DISP1: variants seen among roughly 807,000 people sequenced by gnomAD.
DISP1 encodes dispatched RND transporter family member 1.
DISP1 carries 30 observed loss-of-function variants against 37.3 expected under a neutral mutation model. The observed-to-expected ratio is 0.80, with a 90% CI of 0.60 to 1.09. The LOEUF (loss-of-function observed/expected upper bound fraction) is 1.09, where lower values mean the gene tolerates loss of function less well. DISP1 is among the 50% of genes least tolerant of loss of function. DISP1 has a pLI of 0.00. For missense variants in DISP1, 1,598 were observed against 1,879.5 expected (o/e 0.85, Z 2.77); for synonymous variants, 634 against 690.2 (o/e 0.92, Z 1.28).
chr1:222,938,201 A>G (rs2125480348), intron 2 of DISP1, among the ~76,000 whole-genome samples: 1 of 152,208 alleles, frequency 6.6e-6, no homozygotes. Flanking sequence ...AAAGTTACTC[A>G]TTATATTTTA....
At chr1:222,868,109 A>T (rs1053316590) in intron 1 of DISP1, among the ~76,000 whole-genome samples, 1 of 152,102 alleles carries the variant, frequency 6.6e-6, no homozygotes, top group Admixed American at 6.6e-5. Context: ...TTAGCCAGGC[A>T]CGGTAGTGTT....
At chr1:222,998,397 C>A (rs1679220499) in intron 8 of DISP1, among the ~76,000 whole-genome samples, 1 of 151,730 alleles carries the variant, frequency 6.6e-6, no homozygotes, top group Admixed American at 6.6e-5. Flanking sequence ...TCAGTGAGAC[C>A]AGATGTTTCA....
intron 3 of DISP1, among the ~76,000 whole-genome samples, chr1:222,972,753 G>A (rs149075337): frequency 2.0e-5 from 3 of 152,162 alleles, no homozygotes; most frequent in East Asian, 1.9e-4. Flanking sequence ...ATTCATTCAC[G>A]TAATGTTTGT....
intron 2 of DISP1, among the ~76,000 whole-genome samples, chr1:222,940,845 G>GTGCTC (rs1674327007): frequency 6.6e-6 from 1 of 152,198 alleles, no homozygotes; most frequent in Admixed American, 6.5e-5. Context: ...TTTGAATGGA[G>GTGCTC]TGCTCGTACA....
At chr1:222,933,084 T>A (rs996629191) in intron 2 of DISP1, among the ~76,000 whole-genome samples, 18 of 151,990 alleles carry the variant, frequency 1.2e-4, no homozygotes, top group Non-Finnish European at 1.5e-5. Flanking sequence ...TTTTACAACC[T>A]AACTCATTTC....
intron 1 of DISP1, among the ~76,000 whole-genome samples, chr1:222,886,389 T>C (rs1670604553): frequency 6.6e-6 from 1 of 152,234 alleles, no homozygotes; most frequent in African/African-American, 2.4e-5. Context: ...AGTCATGAAA[T>C]GTTTATTGAG....
At chr1:222,871,910 T>C (rs1297254934) in intron 1 of DISP1, among the ~76,000 whole-genome samples, 20 of 152,166 alleles carry the variant, frequency 1.3e-4, no homozygotes, top group Admixed American at 1.3e-3. Flanking sequence ...TTCAGTATGA[T>C]ATTGGCTGTG....
At chr1:222,995,846 T>A (rs1211815281) in intron 8 of DISP1, among the ~76,000 whole-genome samples, 1 of 152,170 alleles carries the variant, frequency 6.6e-6, no homozygotes, top group Non-Finnish European at 1.5e-5. Flanking sequence ...CCTGACCACC[T>A]CATGCAATCA....
intron 1 of DISP1, chr1:222,872,460 C>G (rs1669647298): frequency 6.6e-6 from 1 of 152,200 alleles, no homozygotes; most frequent in African/African-American, 2.4e-5. Context: ...GCCTCAATTT[C>G]AGAGCCTGTT....
chr1:222,999,236 C>A (rs1173688549), intron 8 of DISP1, among the ~76,000 whole-genome samples: 1 of 152,110 alleles, frequency 6.6e-6, no homozygotes, highest in Non-Finnish European at 1.5e-5. Flanking sequence ...CCCTAAACAT[C>A]CATTTTGTGA....
At chr1:222,843,394 A>G (rs2125294522) in intron 1 of DISP1, among the ~76,000 whole-genome samples, 1 of 152,202 alleles carries the variant, frequency 6.6e-6, no homozygotes, top group Non-Finnish European at 1.5e-5. Flanking sequence ...TATTACATGT[A>G]TCTTATTTAC....
intron 2 of DISP1, among the ~76,000 whole-genome samples, chr1:222,936,834 T>TTATATATC (rs1673855932): frequency 4.8e-5 from 2 of 41,318 alleles, no homozygotes; most frequent in Admixed American, 3.8e-4. Flanking sequence ...ATATATAAAT[T>TTATATATC]ATATATATCA....
rs552891558 is a variant in DISP1 at position 222,818,461 on chromosome 1, A to G, written c.-159+3383A>G. The stretch of plus-strand genomic sequence containing the variant: ...CTTGAAGCAAAATAGTACCAGTTTG[A>G]TTTTCACTGTGTTAGTGTATAATTA... On this transcript the variant is annotated intron_variant, in intron 1 of 8. Coordinates refer to ENST00000675850, the MANE Select transcript of DISP1 (RefSeq NM_001377229.1). Among the ~76,000 whole-genome samples the G allele has an allele frequency of 2.6e-5, 4 of 152,222 alleles. No individual in the cohort carries two copies. In the South Asian group the frequency reaches 8.3e-4, roughly 32 times the overall value.
At chr1:222,825,499 C>CTTTTTTT (rs954921482) in intron 1 of DISP1, among the ~76,000 whole-genome samples, 2 of 131,820 alleles carry the variant, frequency 1.5e-5, no homozygotes, top group African/African-American at 2.8e-5. Flanking sequence ...ACCTGTTTCT[C>CTTTTTTT]TTTTTTTTTT....
At chr1:222,884,718 T>C (rs943728949) in intron 1 of DISP1, among the ~76,000 whole-genome samples, 1 of 152,262 alleles carries the variant, frequency 6.6e-6, no homozygotes, top group African/African-American at 2.4e-5. Flanking sequence ...GTTTTTACTC[T>C]GTAAAGTTAC....
intron 1 of DISP1, among the ~76,000 whole-genome samples, chr1:222,885,153 T>C (rs1335786335): frequency 2.0e-5 from 3 of 152,214 alleles, no homozygotes; most frequent in Non-Finnish European, 4.4e-5. Context: ...TTTAAATTTC[T>C]ACATTTCTTC....
chr1:222,936,642 G>GGTATATATAATATATAAA (rs1558339218), intron 2 of DISP1, among the ~76,000 whole-genome samples: 1 of 95,056 alleles, frequency 1.1e-5, no homozygotes, highest in Non-Finnish European at 1.9e-5. Context: ...ATATATATGA[G>GGTATATATAATATATAAA]ATATATATAT....
chr1:222,868,940 T>G (rs139801437), intron 1 of DISP1, among the ~76,000 whole-genome samples: 1 of 152,174 alleles, frequency 6.6e-6, no homozygotes, highest in Non-Finnish European at 1.5e-5. Context: ...CTAATTAAAG[T>G]TAACATATTC....
intron 1 of DISP1, chr1:222,827,383 A>G (rs1664702990): frequency 2.6e-5 from 4 of 152,328 alleles, no homozygotes; most frequent in East Asian, 3.9e-4. Flanking sequence ...TGGATCATCC[A>G]TATGTGGGTT....
Sources: allele counts gnomAD v4.1 joint callset (sites outside exome capture counted in the v4.1 genomes callset), GRCh38; gene constraint gnomAD v4.1.1; transcripts MANE v1.5; gene names NCBI Gene and HGNC (gene_info 2026-07-23, HGNC 2026-07-21).